Variants in EYS observed in about 807,000 individuals in gnomAD.
The protein encoded by EYS is protein eyes shut homolog.
EYS carries 250 observed loss-of-function variants against 282.1 expected under a neutral mutation model. The observed-to-expected ratio is 0.89, with a 90% CI of 0.80 to 0.98. EYS has a LOEUF of 0.98. Among genes scored for constraint, EYS ranks in the 50% least tolerant of loss-of-function variants. The pLI is 0.00. For synonymous variants in EYS, 1,355 were observed against 1,282.9 expected (o/e 1.06, Z -1.20); for missense variants, 4,016 against 3,709.0 (o/e 1.08, Z -2.15).
chr6:64,060,192 G>C (rs1771117165), intron 33 of EYS, among the ~76,000 whole-genome samples: 1 of 151,932 alleles, frequency 6.6e-6, no homozygotes, highest in South Asian at 2.1e-4. Context: ...TTAACTACCA[G>C]GAACATGTGA....
chr6:64,033,827 ACTCTCTCTCT>A (rs71708335), intron 33 of EYS, among the ~76,000 whole-genome samples: 3 of 148,548 alleles, frequency 2.0e-5, no homozygotes, highest in African/African-American at 7.6e-5. Flanking sequence ...AAATGAGATT[ACTCTCTCTCT>A]CTCTCTCTCT....
In EYS at chr6:65,501,247, G is replaced by C. The variant is rs1413212673; in HGVS notation, c.-332-5254C>G. Among the ~76,000 whole-genome samples the C allele has an allele frequency of 2.6e-5, 4 of 151,794 alleles. No individual in the cohort carries two copies. In the Admixed American group the frequency reaches 2.6e-4, roughly 10 times the overall value. On this transcript the variant is annotated intron_variant, in intron 2 of 42. Coordinates refer to ENST00000503581, the MANE Select transcript of EYS (RefSeq NM_001142800.2). ...TACATGTGCGTTTGTCTGTGTGTGG[G>C]AGAAGGGAGGTGTATGCAGCCTTCA...
At chr6:64,043,618 A>G (rs1770489898) in intron 33 of EYS, among the ~76,000 whole-genome samples, 1 of 152,204 alleles carries the variant, frequency 6.6e-6, no homozygotes, top group Admixed American at 6.5e-5. Flanking sequence ...ATAGTCCTGT[A>G]GAATCACCTC....
chr6:63,745,898 AAAC>A lies in EYS; in HGVS notation c.8071+16560_8071+16562del, dbSNP rs144644341. ...GTAGAATTAGTATCCTTATAAGAAG[AAAC>A]ACCACAGAGCATGCTCTCTCTCTGT... is the stretch of plus-strand genomic sequence containing the variant. On this transcript the variant is annotated intron_variant, in intron 41 of 42. Coordinates refer to ENST00000503581, the MANE Select transcript of EYS (RefSeq NM_001142800.2). Among the ~76,000 whole-genome samples, 850 of 152,318 alleles carry A rather than the reference AAAC, an allele frequency of 5.6e-3. 6 individuals are homozygous for A. The highest frequency in any genetic ancestry group is 0.02 in the African/African-American group (820 of 41,572).
At chr6:65,263,801 A>G (rs1251188997) in intron 12 of EYS, among the ~76,000 whole-genome samples, 1 of 151,682 alleles carries the variant, frequency 6.6e-6, no homozygotes, top group Non-Finnish European at 1.5e-5. Flanking sequence ...CTTGATAGGC[A>G]GAGGCAGGAC....
At chr6:64,314,440 C>T (rs1769855998) in intron 29 of EYS, among the ~76,000 whole-genome samples, 1 of 152,072 alleles carries the variant, frequency 6.6e-6, no homozygotes, top group Non-Finnish European at 1.5e-5. Context: ...TAGTGGGAGA[C>T]TTTAACACGC....
intron 26 of EYS, among the ~76,000 whole-genome samples, chr6:64,585,949 C>A (rs1766221551): frequency 6.6e-6 from 1 of 152,016 alleles, no homozygotes. Flanking sequence ...CATTTATATA[C>A]TTTTATGGTT....
intron 22 of EYS, among the ~76,000 whole-genome samples, chr6:64,642,183 G>A (rs539679728): frequency 6.6e-6 from 1 of 152,118 alleles, no homozygotes; most frequent in East Asian, 1.9e-4. Context: ...TGTATTGTTT[G>A]TCCATTAGTC....
intron 22 of EYS, among the ~76,000 whole-genome samples, chr6:64,693,690 C>T (rs1384314055): frequency 1.3e-5 from 2 of 150,906 alleles, no homozygotes; most frequent in African/African-American, 2.4e-5. Context: ...AATAAAAATG[C>T]CTTCATGTCT....
In EYS at chr6:64,901,927, T is replaced by G. The variant is rs138120062; in HGVS notation, c.2846+186A>C. On this transcript the variant is annotated intron_variant, in intron 18 of 42. Coordinates refer to ENST00000503581, the MANE Select transcript of EYS (RefSeq NM_001142800.2). The stretch of plus-strand genomic sequence containing the variant: ...TAGCACTATAAACTAACAGTAAGAT[T>G]GGTAAATAAAAATTTGAGATTTTTG... Among the ~76,000 whole-genome samples the G allele has an allele frequency of 3.7e-4, 56 of 152,242 alleles. No individual in the cohort carries two copies. In the East Asian group the frequency reaches 0.01, roughly 28 times the overall value.
chr6:63,776,599 C>T (rs185136884), intron 40 of EYS, among the ~76,000 whole-genome samples: 6 of 152,280 alleles, frequency 3.9e-5, no homozygotes, highest in Admixed American at 3.3e-4. Flanking sequence ...TAAGGTATTA[C>T]GTTTAATATC....
Position 65,630,357 on chromosome 6 carries a change from C to T in EYS, c.-333+9421G>A, listed in dbSNP as rs1000666794. ...ATTGCTTGGGACTTTGTGTTCCCCC[C>T]GCCTGGGGAAACAGGAGAAACAGGA... On this transcript the variant is annotated intron_variant, in intron 2 of 42. Transcript: ENST00000503581. 4.6e-5 allele frequency among the ~76,000 whole-genome samples: 7 copies of T among 152,166 alleles called. No homozygotes were observed. In the East Asian group the frequency reaches 9.6e-4, roughly 21 times the overall value.
At chr6:65,371,015 G>C (rs9453283) in intron 8 of EYS, among the ~76,000 whole-genome samples, 1 of 151,480 alleles carries the variant, frequency 6.6e-6, no homozygotes, top group African/African-American at 2.4e-5. Context: ...AAAAAACACA[G>C]AAAGTGGAGA....
intron 30 of EYS, among the ~76,000 whole-genome samples, chr6:64,247,925 A>G (rs1222615754): frequency 6.6e-6 from 1 of 152,114 alleles, no homozygotes; most frequent in African/African-American, 2.4e-5. Flanking sequence ...AGGAGACAAA[A>G]GAGGGCCTGC....
chr6:63,871,147 T>A (rs1772792023), intron 35 of EYS, among the ~76,000 whole-genome samples: 1 of 152,224 alleles, frequency 6.6e-6, no homozygotes, highest in Non-Finnish European at 1.5e-5. Flanking sequence ...TTTCACTTAA[T>A]TTAATCCTAT....
chr6:63,743,565 T>G (rs1469011440), intron 41 of EYS, among the ~76,000 whole-genome samples: 1 of 152,172 alleles, frequency 6.6e-6, no homozygotes, highest in Admixed American at 6.6e-5. Context: ...AACCAAGCAT[T>G]CAAGTTGTCA....
At chr6:63,923,072 CTAAAGTAATGT>C (rs1240180241) in intron 35 of EYS, among the ~76,000 whole-genome samples, 2 of 152,098 alleles carry the variant, frequency 1.3e-5, no homozygotes, top group African/African-American at 4.8e-5. Context: ...TGTAAGTTTG[CTAAAGTAATGT>C]TTCAGTCTGA....
At chr6:64,475,921 A>G (rs1017727238) in intron 26 of EYS, among the ~76,000 whole-genome samples, 1 of 152,086 alleles carries the variant, frequency 6.6e-6, no homozygotes, top group African/African-American at 2.4e-5. Context: ...CAAGTAGCTA[A>G]GGCTACAGGT....
intron 36 of EYS, among the ~76,000 whole-genome samples, chr6:63,830,736 A>T (rs946123064): frequency 5.9e-5 from 9 of 152,226 alleles, no homozygotes; most frequent in African/African-American, 1.9e-4. Context: ...ATACTCCTTG[A>T]GAAGAGCAAC....
Sources: gnomAD v4.1 joint callset for allele counts (sites outside exome capture counted in the v4.1 genomes callset) on GRCh38, gnomAD v4.1.1 for gene constraint, MANE v1.5 for transcripts, NCBI Gene and HGNC (gene_info 2026-07-23, HGNC 2026-07-21) for gene names.